Variants in ARHGAP44 observed in about 807,000 individuals in gnomAD.
ARHGAP44 encodes the protein Rho GTPase activating protein 44, also known as rho GTPase-activating protein 44.
A neutral mutation model predicts 106.8 loss-of-function variants in ARHGAP44; 43 were observed. The ratio of observed to expected loss-of-function variants is 0.40; its 90% CI spans 0.32 to 0.52. ARHGAP44 has a LOEUF of 0.52. Ranked by LOEUF, ARHGAP44 falls within the 20% of genes least tolerant of loss-of-function variation. The probability of loss-of-function intolerance (pLI) is 0.48; values close to 1 mark genes in which losing one functional copy is unlikely to be tolerated. For synonymous variants in ARHGAP44, 439 were observed against 410.3 expected (o/e 1.07, Z -0.85); for missense variants, 866 against 1,050.5 (o/e 0.82, Z 2.43).
intron 1 of ARHGAP44, among the ~76,000 whole-genome samples, chr17:12,796,839 T>A (rs2033939725): frequency 1.3e-5 from 2 of 150,596 alleles, no homozygotes; most frequent in African/African-American, 2.4e-5. Context: ...TCTCCTGACC[T>A]CGTGATCTGC....
At chr17:12,930,705 C>G (rs2038374006) in intron 7 of ARHGAP44, among the ~76,000 whole-genome samples, 1 of 152,278 alleles carries the variant, frequency 6.6e-6, no homozygotes, top group Admixed American at 6.5e-5. Context: ...TTATCCATTC[C>G]TGTCTAGCTT....
intron 1 of ARHGAP44, among the ~76,000 whole-genome samples, chr17:12,877,764 C>A (rs1264281043): frequency 6.6e-6 from 1 of 151,564 alleles, no homozygotes; most frequent in East Asian, 1.9e-4. Context: ...AAAAAAAACA[C>A]TAAAGATATA....
At chr17:12,944,228 G>C in intron 10 of ARHGAP44, 32 bp downstream of exon 10, 1 of 1,562,532 alleles carries the variant, frequency 6.4e-7, no homozygotes, top group Non-Finnish European at 8.7e-7. Flanking sequence ...CGCCGCCCCG[G>C]GCAGGTCTCC....
At chr17:12,871,069 ATAGTTT>A (rs2036392982) in intron 1 of ARHGAP44, among the ~76,000 whole-genome samples, 1 of 152,036 alleles carries the variant, frequency 6.6e-6, no homozygotes, top group African/African-American at 2.4e-5. Flanking sequence ...TCGTAATCAC[ATAGTTT>A]GGCCTTCTAT....
intron 7 of ARHGAP44, among the ~76,000 whole-genome samples, chr17:12,938,908 T>C (rs1450900461): frequency 6.6e-6 from 1 of 152,212 alleles, no homozygotes; most frequent in Non-Finnish European, 1.5e-5. Context: ...TAGATTTTTG[T>C]AGGGTCATCT....
chr17:12,897,710 C>CTTTTTT (rs71980749), intron 3 of ARHGAP44, among the ~76,000 whole-genome samples: 5 of 108,930 alleles, frequency 4.6e-5, no homozygotes, highest in African/African-American at 1.1e-4. Context: ...TGATCTGTGT[C>CTTTTTT]TTTTTTTTTT....
intron 1 of ARHGAP44, among the ~76,000 whole-genome samples, chr17:12,875,079 G>A (rs1255448100): frequency 6.6e-6 from 1 of 152,148 alleles, no homozygotes; most frequent in Admixed American, 6.5e-5. Context: ...CACACCAGTG[G>A]TTCTGAACAT....
chr17:12,970,383 A>AGAAAAG (rs201844531), intron 16 of ARHGAP44, among the ~76,000 whole-genome samples: 7,777 of 140,236 alleles, frequency 0.055, 327 homozygotes, highest in Middle Eastern at 0.11. Flanking sequence ...AAAAAAAAAA[A>AGAAAAG]AAAAAGAAAA....
At chr17:12,866,814 A>G (rs1164539582) in intron 1 of ARHGAP44, among the ~76,000 whole-genome samples, 2 of 152,160 alleles carry the variant, frequency 1.3e-5, no homozygotes, top group African/African-American at 4.8e-5. Flanking sequence ...CTATCTTAGC[A>G]GTGTTTGTGC....
At position 12,944,205 on chromosome 17, in the gene ARHGAP44, G is replaced by C. The variant is rs376185298; in HGVS notation, c.861+9G>C. 10 of 1,597,712 alleles carry C rather than the reference G, an allele frequency of 6.3e-6. No homozygotes were observed. Among genetic ancestry groups the C allele is most frequent in the Non-Finnish European group, 8.5e-6 (10 of 1,170,830 alleles). ...GTGGGATGCAGGAGGAGGTAGGTCT[G>C]AGCACAGCCACACGCCGCCCCGGGC... On this transcript the variant is annotated intron_variant, in intron 10 of 20. Transcript: ENST00000379672.
chr17:12,909,402 A>G (rs902319605), intron 4 of ARHGAP44, among the ~76,000 whole-genome samples: 1 of 152,170 alleles, frequency 6.6e-6, no homozygotes, highest in Non-Finnish European at 1.5e-5. Context: ...AAATAATAGA[A>G]CTATATGGAA....
chr17:12,846,966 C>A (rs1421160277), intron 1 of ARHGAP44, among the ~76,000 whole-genome samples: 1 of 152,100 alleles, frequency 6.6e-6, no homozygotes, highest in African/African-American at 2.4e-5. Context: ...ATTTTTAGGT[C>A]ATTTAAGGTT....
intron 1 of ARHGAP44, among the ~76,000 whole-genome samples, chr17:12,885,244 C>T (rs569910477): frequency 2.9e-4 from 44 of 152,272 alleles, no homozygotes; most frequent in African/African-American, 8.7e-4. Context: ...CTAGTTTATC[C>T]ATTCACCTGT....
intron 1 of ARHGAP44, among the ~76,000 whole-genome samples, chr17:12,869,638 T>C (rs4792297): frequency 0.92 from 139,596 of 152,174 alleles, 64,191 homozygotes; most frequent in African/African-American, 0.94. Context: ...TCCCCTTCTC[T>C]CATCCCCTGG....
chr17:12,825,487 G>A (rs1236224572), intron 1 of ARHGAP44, among the ~76,000 whole-genome samples: 1 of 152,092 alleles, frequency 6.6e-6, no homozygotes, highest in Non-Finnish European at 1.5e-5. Context: ...GTTGGCTCAT[G>A]TGGTTGTGGG....
intron 3 of ARHGAP44, among the ~76,000 whole-genome samples, chr17:12,907,405 C>G (rs1169470047): frequency 6.6e-6 from 1 of 152,164 alleles, no homozygotes; most frequent in Non-Finnish European, 1.5e-5. Flanking sequence ...TATTTACCAC[C>G]ATTATCTAGT....
rs765102419 is a variant in ARHGAP44, at chr17:12,958,741, A to T, written c.1367A>T (p.Asn456Ile). 5 of 1,613,944 alleles carry T rather than the reference A, an allele frequency of 3.1e-6. No homozygotes were observed. The highest frequency in any genetic ancestry group is 4.2e-6 in the Non-Finnish European group (5 of 1,179,872). The stretch of plus-strand genomic sequence containing the variant: ...GAGATAGAGTTCAACATTACTGGCA[A>T]TTATGGGAGTCCAGTACACGTGAAC... ...PGEIEFNITG[N>I]YGSPVHVNHN... is the part of the protein sequence containing the mutation. Residue 456 changes from asparagine (N) to isoleucine (I), a missense_variant, in exon 16 of 21, where the codon AAT (asparagine) becomes ATT (isoleucine). This residue lies in a region of ARHGAP44 where 448 missense variants were observed against 646.9 expected (regional missense o/e 0.69). Transcript: ENST00000379672. The surrounding 1 kb of genome is among the most constrained non-coding windows in gnomAD (Gnocchi z 4.1).
intron 1 of ARHGAP44, among the ~76,000 whole-genome samples, chr17:12,857,709 AT>A (rs555664950): frequency 4.3e-4 from 66 of 152,110 alleles, no homozygotes; most frequent in African/African-American, 1.5e-3. Flanking sequence ...TAGTGACCGT[AT>A]TTTCCATAAC....
intron 1 of ARHGAP44, 53 bp downstream of exon 1, chr17:12,789,944 C>G: frequency 6.8e-7 from 1 of 1,464,250 alleles, no homozygotes; most frequent in Non-Finnish European, 9.1e-7. Context: ...GCTGCATCCG[C>G]AGGGGCGCGC....
Sources: allele counts gnomAD v4.1 joint callset (sites outside exome capture counted in the v4.1 genomes callset), GRCh38; gene constraint gnomAD v4.1.1; regional missense constraint gnomAD v4.1.1; non-coding constraint Gnocchi (gnomAD v3.1); transcripts MANE v1.5; gene names NCBI Gene and HGNC (gene_info 2026-07-23, HGNC 2026-07-21).